WDPCP: variants seen among roughly 807,000 people sequenced by gnomAD.
WDPCP encodes the protein WD repeat containing planar cell polarity effector.
WDPCP carries 71 observed loss-of-function variants against 93.1 expected under a neutral mutation model. That is an observed-to-expected ratio of 0.76 (90% CI 0.63 to 0.93). WDPCP has a LOEUF of 0.93. Among genes scored for constraint, WDPCP ranks in the 40% least tolerant of loss-of-function variants. The pLI is 0.00. For synonymous variants in WDPCP, 315 were observed against 315.0 expected (o/e 1.00, Z 0.00); for missense variants, 844 against 887.4 (o/e 0.95, Z 0.62).
At chr2:63,140,878 C>T (rs895262328) in intron 17 of WDPCP, among the ~76,000 whole-genome samples, 1 of 152,116 alleles carries the variant, frequency 6.6e-6, no homozygotes, top group African/African-American at 2.4e-5. Flanking sequence ...AGCGGGCATT[C>T]TTGTCTTGTT....
chr2:63,580,963 G>A (rs1027574552), intron 1 of WDPCP, among the ~76,000 whole-genome samples: 15 of 152,154 alleles, frequency 9.9e-5, no homozygotes, highest in Non-Finnish European at 1.6e-4. Context: ...TAAAGCAAAT[G>A]TGACAACATG....
chr2:63,268,345 G>T (rs1682332497), intron 13 of WDPCP, among the ~76,000 whole-genome samples: 1 of 152,106 alleles, frequency 6.6e-6, no homozygotes, highest in African/African-American at 2.4e-5. Flanking sequence ...GGAAGATGCT[G>T]ATCAAAACAT....
At chr2:63,425,348 C>T (rs1199319914) in intron 9 of WDPCP, among the ~76,000 whole-genome samples, 1 of 152,240 alleles carries the variant, frequency 6.6e-6, no homozygotes, top group East Asian at 1.9e-4. Context: ...AACAAGTACA[C>T]TAGCTCCCTA....
intron 2 of WDPCP, among the ~76,000 whole-genome samples, chr2:63,724,374 A>G (rs772344708): frequency 9.4e-4 from 143 of 152,182 alleles, no homozygotes; most frequent in Admixed American, 1.7e-3. Flanking sequence ...AAAGAATTTC[A>G]TCAATACTTA....
chr2:63,303,970 C>A (rs911262591), intron 13 of WDPCP, among the ~76,000 whole-genome samples: 1,006 of 130,826 alleles, frequency 7.7e-3, no homozygotes, highest in Non-Finnish European at 8.4e-3. Context: ...AGTAAAAAGT[C>A]AAAAAAAAAA....
chr2:63,809,209 G>C (rs1409152821), intron 2 of WDPCP, among the ~76,000 whole-genome samples: 1 of 152,046 alleles, frequency 6.6e-6, no homozygotes, highest in Non-Finnish European at 1.5e-5. Flanking sequence ...CGGGAGGTGA[G>C]GGGCGCCTCT....
At chr2:63,282,674 A>C (rs1683661553) in intron 13 of WDPCP, among the ~76,000 whole-genome samples, 1 of 152,200 alleles carries the variant, frequency 6.6e-6, no homozygotes, top group African/African-American at 2.4e-5. Flanking sequence ...ATACATTTTT[A>C]CATAATTATA....
intron 3 of WDPCP, chr2:63,594,465 T>A (rs1390727990): frequency 6.5e-7 from 1 of 1,537,310 alleles, no homozygotes; most frequent in Admixed American, 1.7e-5. Context: ...CTTAAAGATG[T>A]TAATGGGTCT....
At chr2:63,559,503 T>C (rs75009779) in intron 1 of WDPCP, among the ~76,000 whole-genome samples, 11 of 152,214 alleles carry the variant, frequency 7.2e-5, no homozygotes, top group Non-Finnish European at 1.6e-4. Context: ...GCAGATGACA[T>C]GATCCTATAT....
At chr2:63,373,340 C>G (rs1479963417) in intron 12 of WDPCP, among the ~76,000 whole-genome samples, 1 of 150,282 alleles carries the variant, frequency 6.7e-6, no homozygotes, top group Non-Finnish European at 1.5e-5. Context: ...GACTTGAACA[C>G]CCAGGCTCAA....
At chr2:63,559,697 C>G (rs1164865959) in intron 1 of WDPCP, among the ~76,000 whole-genome samples, 1 of 152,048 alleles carries the variant, frequency 6.6e-6, no homozygotes, top group Non-Finnish European at 1.5e-5. Flanking sequence ...AGTAAAATAT[C>G]TAGGAATATT....
chr2:63,668,510 T>G (rs1354779004), intron 2 of WDPCP, among the ~76,000 whole-genome samples: 1 of 152,238 alleles, frequency 6.6e-6, no homozygotes, highest in Non-Finnish European at 1.5e-5. Context: ...AATCCAGATC[T>G]GTACTTTTAG....
chr2:63,221,740 C>T (rs966209275), intron 14 of WDPCP, among the ~76,000 whole-genome samples: 2 of 152,140 alleles, frequency 1.3e-5, no homozygotes, highest in Non-Finnish European at 2.9e-5. Context: ...CTAAAAGGTT[C>T]TCCATTAGGT....
chr2:63,132,892 C>A (rs1166032804), intron 17 of WDPCP, among the ~76,000 whole-genome samples: 1 of 152,036 alleles, frequency 6.6e-6, no homozygotes, highest in African/African-American at 2.4e-5. Flanking sequence ...ATTGAATGGT[C>A]CATGTTTCCG....
chr2:63,762,283 T>A (rs1018908953), intron 2 of WDPCP, among the ~76,000 whole-genome samples: 1 of 152,220 alleles, frequency 6.6e-6, no homozygotes, highest in Non-Finnish European at 1.5e-5. Context: ...CCTTTTTCTA[T>A]AAGGGTTTTT....
chr2:63,446,157 T>C (rs1258051520), intron 6 of WDPCP, among the ~76,000 whole-genome samples: 1 of 152,044 alleles, frequency 6.6e-6, no homozygotes, highest in Non-Finnish European at 1.5e-5. Context: ...CTCAAACCAG[T>C]CTCCCTCTAA....
At chr2:63,500,454 G>GTGTGTGTGTGTGTGTGTGTGTGT (rs1553412903) in intron 1 of WDPCP, among the ~76,000 whole-genome samples, 1 of 149,474 alleles carries the variant, frequency 6.7e-6, no homozygotes, top group African/African-American at 2.5e-5. Flanking sequence ...ATGGTGTGGG[G>GTGTGTGTGTGTGTGTGTGTGTGT]GTGTGTGTGT....
At chr2:63,234,779 C>T (rs559122137) in intron 14 of WDPCP, among the ~76,000 whole-genome samples, 38 of 152,192 alleles carry the variant, frequency 2.5e-4, no homozygotes, top group Middle Eastern at 6.8e-3. Context: ...GTATGACAAG[C>T]GTACTCATGG....
chr2:63,715,660 T>A (rs1406599091), intron 2 of WDPCP, among the ~76,000 whole-genome samples: 1 of 152,254 alleles, frequency 6.6e-6, no homozygotes, highest in Non-Finnish European at 1.5e-5. Context: ...GTATATTTGT[T>A]TTTATGAAAA....
Sources: gnomAD v4.1 joint callset for allele counts (sites outside exome capture counted in the v4.1 genomes callset) on GRCh38, gnomAD v4.1.1 for gene constraint, MANE v1.5 for transcripts, NCBI Gene and HGNC (gene_info 2026-07-23, HGNC 2026-07-21) for gene names.